Variants in CDH13 observed in about 807,000 individuals in gnomAD.
CDH13 encodes the protein cadherin-13.
A neutral mutation model predicts 63.8 loss-of-function variants in CDH13; 24 were observed. That is an observed-to-expected ratio of 0.38 (90% CI 0.27 to 0.53). The LOEUF (loss-of-function observed/expected upper bound fraction) is 0.53. Ranked by LOEUF, CDH13 falls within the 20% of genes least tolerant of loss-of-function variation. The pLI is 0.85. For synonymous variants in CDH13, 503 were observed against 355.3 expected (o/e 1.42, Z -4.67); for missense variants, 1,049 against 903.1 (o/e 1.16, Z -2.07).
intron 2 of CDH13, among the ~76,000 whole-genome samples, chr16:82,979,898 T>A (rs1021024676): frequency 8.5e-5 from 13 of 152,164 alleles, no homozygotes; most frequent in Non-Finnish European, 1.5e-4. Context: ...TAGGAAATCT[T>A]GGAATACTAG....
chr16:83,131,645 A>C (rs974058173), intron 4 of CDH13, among the ~76,000 whole-genome samples: 15 of 152,156 alleles, frequency 9.9e-5, no homozygotes, highest in Non-Finnish European at 4.4e-5. Flanking sequence ...TCTTTGGGAG[A>C]TGTATTTTAT....
In CDH13 at chr16:83,798,573, T is replaced by C. The variant is rs1465638186; in HGVS notation, c.*3543T>C. On this transcript the variant is annotated 3_prime_UTR_variant, in exon 14 of 14. Coordinates refer to ENST00000567109, the MANE Select transcript of CDH13 (RefSeq NM_001257.5). ...AATTGAATGGCTTGCCCAAGGTAAG[T>C]GGCCTCCAGAACCAAACCTCAGGCT... 9.9e-5 allele frequency: 15 copies of C among 152,162 alleles called. No individual in the cohort carries two copies. Among genetic ancestry groups the C allele is most frequent in the Admixed American group, 9.8e-4 (15 of 15,272 alleles). The allele number at this position is 152,162 out of a possible 1,614,324, so 9.4% of individuals were successfully genotyped here.
intron 1 of CDH13, among the ~76,000 whole-genome samples, chr16:82,690,866 C>G (rs1224426080): frequency 6.6e-6 from 1 of 152,222 alleles, no homozygotes; most frequent in Non-Finnish European, 1.5e-5. Context: ...AACTGCCTGT[C>G]CCATCATGGA....
intron 7 of CDH13, among the ~76,000 whole-genome samples, chr16:83,539,070 G>C (rs1053451022): frequency 2.0e-5 from 3 of 151,894 alleles, no homozygotes; most frequent in Admixed American, 2.0e-4. Flanking sequence ...TCGAAACTTT[G>C]ATTTTAAAGG....
intron 1 of CDH13, among the ~76,000 whole-genome samples, chr16:82,758,322 C>T (rs1270264838): frequency 1.3e-5 from 2 of 152,098 alleles, no homozygotes; most frequent in African/African-American, 2.4e-5. Flanking sequence ...ACATCCAGGT[C>T]TCCTGGAAAT....
chr16:83,186,496 G>A (rs1335631733), intron 4 of CDH13, among the ~76,000 whole-genome samples: 1 of 152,064 alleles, frequency 6.6e-6, no homozygotes, highest in Non-Finnish European at 1.5e-5. Context: ...TCTGATGCTT[G>A]AGGTTCTCTT....
chr16:82,915,709 G>A (rs150896768), intron 2 of CDH13, among the ~76,000 whole-genome samples: 15 of 151,914 alleles, frequency 9.9e-5, no homozygotes, highest in Non-Finnish European at 1.9e-4. Flanking sequence ...TTTGATGATT[G>A]TCTCTCTTAG....
intron 6 of CDH13, among the ~76,000 whole-genome samples, chr16:83,409,408 G>A (rs960281326): frequency 6.6e-6 from 1 of 152,170 alleles, no homozygotes. Flanking sequence ...AATGGTAGTT[G>A]TCTGCCTTGT....
chr16:83,480,739 C>G lies in CDH13; in HGVS notation c.782-5738C>G, dbSNP rs564229203. On this transcript the variant is annotated intron_variant, in intron 6 of 13. Coordinates refer to ENST00000567109, the MANE Select transcript of CDH13 (RefSeq NM_001257.5). Reference sequence around the variant, plus strand: ...ATCCCCTCAGTCCTGGGAGAACTATCTGGTTCTCATTTGGAACCAGGAGGC... The same window carrying G: ...ATCCCCTCAGTCCTGGGAGAACTATGTGGTTCTCATTTGGAACCAGGAGGC... Among the ~76,000 whole-genome samples, 200 of 152,306 alleles carry G rather than the reference C, an allele frequency of 1.3e-3. 4 individuals carry two copies. The South Asian group carries it at 0.038, about 29-fold the overall frequency.
chr16:83,252,643 T>C (rs1905719517), intron 5 of CDH13, among the ~76,000 whole-genome samples: 1 of 152,134 alleles, frequency 6.6e-6, no homozygotes, highest in South Asian at 2.1e-4. Context: ...GCTCAGCACA[T>C]GGATTAAGGG....
intron 2 of CDH13, among the ~76,000 whole-genome samples, chr16:82,921,537 G>A (rs894724798): frequency 3.3e-5 from 5 of 152,148 alleles, no homozygotes; most frequent in Non-Finnish European, 7.3e-5. Flanking sequence ...AATCACATAT[G>A]CACAGACATT....
At chr16:83,069,448 A>G (rs2032275106) in intron 3 of CDH13, among the ~76,000 whole-genome samples, 1 of 152,206 alleles carries the variant, frequency 6.6e-6, no homozygotes, top group African/African-American at 2.4e-5. Context: ...TTATGTGAAC[A>G]TTTCATGTAT....
intron 8 of CDH13, among the ~76,000 whole-genome samples, chr16:83,622,092 A>G (rs908406891): frequency 2.0e-5 from 3 of 152,246 alleles, no homozygotes; most frequent in Non-Finnish European, 4.4e-5. Flanking sequence ...GCTAATTATT[A>G]TCAAGTGCTT....
intron 2 of CDH13, among the ~76,000 whole-genome samples, chr16:83,014,988 A>T (rs1428664023): frequency 6.6e-6 from 1 of 150,542 alleles, no homozygotes; most frequent in Non-Finnish European, 1.5e-5. Context: ...ATGAGAGCAG[A>T]TAGATCCATA....
intron 5 of CDH13, among the ~76,000 whole-genome samples, chr16:83,317,035 C>G (rs1024697389): frequency 6.6e-6 from 1 of 152,198 alleles, no homozygotes; most frequent in African/African-American, 2.4e-5. Flanking sequence ...TTGGCAATGT[C>G]TGCAGACATT....
At chr16:83,663,295 C>G (rs77620775) in intron 8 of CDH13, among the ~76,000 whole-genome samples, 11,408 of 152,104 alleles carry the variant, frequency 0.075, 684 homozygotes, top group African/African-American at 0.17. Flanking sequence ...TTAGGTCCCT[C>G]AAATGTTTTA....
At chr16:82,689,466 T>C (rs765680125) in intron 1 of CDH13, among the ~76,000 whole-genome samples, 4 of 152,198 alleles carry the variant, frequency 2.6e-5, no homozygotes, top group Non-Finnish European at 5.9e-5. Flanking sequence ...TTGTGGGTTT[T>C]CAAGTCTCTT....
intron 8 of CDH13, among the ~76,000 whole-genome samples, chr16:83,611,829 T>C (rs542789238): frequency 6.6e-6 from 1 of 152,218 alleles, no homozygotes; most frequent in South Asian, 2.1e-4. Context: ...GGAGTGTTTT[T>C]TATTCTTTTC....
chr16:83,347,103 G>T (rs1031808932), intron 6 of CDH13, among the ~76,000 whole-genome samples: 11 of 152,192 alleles, frequency 7.2e-5, no homozygotes, highest in African/African-American at 2.7e-4. Context: ...TTAGCACCCT[G>T]TAAGAGAGTT....
Sources: allele counts gnomAD v4.1 joint callset (sites outside exome capture counted in the v4.1 genomes callset), GRCh38; gene constraint gnomAD v4.1.1; transcripts MANE v1.5; gene names NCBI Gene and HGNC (gene_info 2026-07-23, HGNC 2026-07-21).